The following DOCK10 variants were observed in gnomAD, a reference collection of about 807,000 sequenced individuals.
DOCK10 encodes dedicator of cytokinesis 10.
Under a neutral mutation model 280.1 loss-of-function variants are expected in DOCK10, and 145 were observed. That is an observed-to-expected ratio of 0.52 (90% CI 0.45 to 0.59). The LOEUF (loss-of-function observed/expected upper bound fraction) is 0.59. DOCK10 is among the 20% of genes least tolerant of loss of function. The pLI, the probability that DOCK10 is intolerant of heterozygous loss-of-function variation, is 0.00. For missense variants in DOCK10, 2,368 were observed against 2,651.7 expected (o/e 0.89, Z 2.35); for synonymous variants, 915 against 942.2 (o/e 0.97, Z 0.53).
chr2:224,773,873 G>T (rs902165607), intron 52 of DOCK10, among the ~76,000 whole-genome samples: 10 of 151,786 alleles, frequency 6.6e-5, no homozygotes, highest in African/African-American at 2.4e-4. Flanking sequence ...CTCATGATCC[G>T]CCCGCCTCTG....
Position 224,797,811 on chromosome 2 carries a change from T to C in DOCK10, c.4644+21A>G, listed in dbSNP as rs777095085. The C allele has an allele frequency of 1.1e-5, 18 of 1,607,568 alleles. 1 individual carries two copies. Among genetic ancestry groups the C allele is most frequent in the African/African-American group, 6.7e-5 (5 of 74,542 alleles). On this transcript the variant is annotated intron_variant, in intron 42 of 55. Coordinates refer to ENST00000258390, the MANE Select transcript of DOCK10 (RefSeq NM_014689.3). Reference sequence around the variant, plus strand: ...TTACTGTCATCCTACCTAAACTTCATTGAAACCTGGAGATCCTTACCTTGC... The same window carrying C: ...TTACTGTCATCCTACCTAAACTTCACTGAAACCTGGAGATCCTTACCTTGC...
At chr2:224,905,234 A>ATTTTTTTTT (rs201582173) in intron 3 of DOCK10, among the ~76,000 whole-genome samples, 2 of 111,542 alleles carry the variant, frequency 1.8e-5, no homozygotes, top group African/African-American at 4.0e-5. Flanking sequence ...CTATGGAACT[A>ATTTTTTTTT]TTTTTTTTTT....
intron 1 of DOCK10, among the ~76,000 whole-genome samples, chr2:224,971,750 A>G (rs142933515): frequency 2.0e-5 from 3 of 152,342 alleles, no homozygotes; most frequent in East Asian, 1.9e-4. Flanking sequence ...TCTTTCAACT[A>G]TAAATTTTAT....
rs1697782474 is a variant in DOCK10, at chr2:224,864,882, A to G, written c.1463T>C (p.Leu488Pro). The G allele has an allele frequency of 2.4e-5, 39 of 1,613,898 alleles. No homozygotes were observed. The highest frequency in any genetic ancestry group is 3.3e-5 in the Non-Finnish European group (39 of 1,179,904). Residue 488 changes from leucine (L) to proline (P), a missense_variant, in exon 12 of 56, where the codon CTA (leucine) becomes CCA (proline). By Grantham distance (98) the Leu-to-Pro change is moderately conservative. Transcript: ENST00000258390. Reference protein sequence around the residue: ...PHIKGLPEEWLKFPKQAVFSV... With the variant: ...PHIKGLPEEWPKFPKQAVFSV... ...AAGTGCCACCTGCTTTGGAAATTTT[A>G]GCCATTCCTCTGGAAGTCCCTTGAT...
At chr2:224,954,862 T>C (rs1703952296) in intron 1 of DOCK10, among the ~76,000 whole-genome samples, 1 of 152,212 alleles carries the variant, frequency 6.6e-6, no homozygotes, top group African/African-American at 2.4e-5. Flanking sequence ...TTAAAGAAAA[T>C]GAAAAGCATT....
At chr2:224,925,975 G>A (rs1280854762) in intron 2 of DOCK10, among the ~76,000 whole-genome samples, 1 of 152,082 alleles carries the variant, frequency 6.6e-6, no homozygotes, top group Non-Finnish European at 1.5e-5. Context: ...ACACTTTGGT[G>A]ACTAAGTTCT....
chr2:224,796,893 T>C (rs1022001825), intron 43 of DOCK10, 71 bp downstream of exon 43: 27 of 1,422,172 alleles, frequency 1.9e-5, no homozygotes, highest in Non-Finnish European at 2.3e-5. Flanking sequence ...CTGAGGACAG[T>C]AGGCTTTAAG....
At chr2:224,843,562 G>A (rs1179942380) in intron 22 of DOCK10, among the ~76,000 whole-genome samples, 1 of 152,168 alleles carries the variant, frequency 6.6e-6, no homozygotes, top group Non-Finnish European at 1.5e-5. Context: ...AGGTTGCCGA[G>A]AGAAATTTTG....
chr2:224,911,258 C>G (rs540510516), intron 3 of DOCK10, among the ~76,000 whole-genome samples: 1 of 152,148 alleles, frequency 6.6e-6, no homozygotes, highest in Admixed American at 6.5e-5. Context: ...CCCCAAGGAG[C>G]AATAATAAAA....
rs1007745725 is a variant in DOCK10 at position 224,864,546 on chromosome 2, A to T, written c.1602+7T>A. 6.3e-7 allele frequency: 1 copy of T among 1,580,738 alleles called. No homozygotes were observed. The highest frequency in any genetic ancestry group is 2.0e-5 in the Admixed American group (1 of 50,758). On this transcript the variant is annotated splice_region_variant and intron_variant, in intron 13 of 55. Transcript: ENST00000258390. ...GAAGTGAAGTTATTTATAAGATTAT[A>T]CATTACCTTGTTGGAGTCTGGGTTC...
chr2:224,823,137 A>G (rs1434616312), intron 28 of DOCK10, among the ~76,000 whole-genome samples: 2 of 151,586 alleles, frequency 1.3e-5, no homozygotes, highest in South Asian at 2.1e-4. Context: ...ACAGGCACGC[A>G]CCACCACGCC....
intron 1 of DOCK10, among the ~76,000 whole-genome samples, chr2:224,994,547 T>C (rs1706215054): frequency 6.6e-6 from 1 of 152,218 alleles, no homozygotes; most frequent in South Asian, 2.1e-4. Flanking sequence ...ACTAAAACAT[T>C]GTCACAACAA....
At chr2:224,916,540 CAAAAAAAAA>C (rs35956360) in intron 3 of DOCK10, among the ~76,000 whole-genome samples, 146 bp downstream of exon 3, 10 of 110,930 alleles carry the variant, frequency 9.0e-5, no homozygotes, top group Admixed American at 9.3e-5. Context: ...CACCCTCCCT[CAAAAAAAAA>C]AAAAAAAAAA....
At chr2:224,842,995 A>G (rs1011054630) in intron 22 of DOCK10, among the ~76,000 whole-genome samples, 1 of 152,184 alleles carries the variant, frequency 6.6e-6, no homozygotes, top group African/African-American at 2.4e-5. Flanking sequence ...AAGGATGGGT[A>G]GGAACCAACC....
In DOCK10 at chr2:224,795,207, T is replaced by C. The variant is rs1288060862; in HGVS notation, c.4939-113A>G. The C allele has an allele frequency of 5.7e-6, 5 of 881,552 alleles. No homozygotes were observed. The Admixed American group carries it at 7.6e-5, about 13-fold the overall frequency. 54.6% of individuals were successfully genotyped at this position (881,552 alleles called of 1,614,324 possible). ...ATCACAGTTTGGAGCATTCTATATA[T>C]AGTTATAAATGAGTGCATTCTATAT... On this transcript the variant is annotated intron_variant, in intron 44 of 55. Transcript: ENST00000258390.
intron 29 of DOCK10, among the ~76,000 whole-genome samples, chr2:224,818,178 GT>G (rs1694266495): frequency 6.6e-6 from 1 of 152,128 alleles, no homozygotes; most frequent in Non-Finnish European, 1.5e-5. Context: ...CCCACGTAAC[GT>G]TTTGGTGAAA....
chr2:224,811,259 G>GT (rs1191657905), intron 31 of DOCK10, among the ~76,000 whole-genome samples: 2 of 152,152 alleles, frequency 1.3e-5, no homozygotes, highest in Non-Finnish European at 2.9e-5. Context: ...TTTTTCGTGT[G>GT]TTTTTTGGCT....
intron 14 of DOCK10, among the ~76,000 whole-genome samples, chr2:224,857,548 T>C (rs1697227070): frequency 6.6e-6 from 1 of 152,202 alleles, no homozygotes; most frequent in Non-Finnish European, 1.5e-5. Context: ...AAGAGAACAC[T>C]ATGAATCTGA....
At chr2:224,954,284 TCATCACTGGTCAGAGA>T in intron 1 of DOCK10, among the ~76,000 whole-genome samples, 1 of 152,292 alleles carries the variant, frequency 6.6e-6, no homozygotes, top group South Asian at 2.1e-4. Context: ...ATAGTGGACT[TCATCACTGGTCAGAGA>T]TATCCATTTC....
Sources: gnomAD v4.1 joint callset for allele counts (sites outside exome capture counted in the v4.1 genomes callset) on GRCh38, gnomAD v4.1.1 for gene constraint, MANE v1.5 for transcripts, NCBI Gene and HGNC (gene_info 2026-07-23, HGNC 2026-07-21) for gene names.